CNTNAP2: variants seen among roughly 807,000 people sequenced by gnomAD.
The protein encoded by CNTNAP2 is contactin-associated protein-like 2.
CNTNAP2 carries 98 observed loss-of-function variants against 155.2 expected under a neutral mutation model. That is an observed-to-expected ratio of 0.63 (90% CI 0.54 to 0.75). CNTNAP2 has a LOEUF of 0.75. Among genes scored for constraint, CNTNAP2 ranks in the 30% least tolerant of loss-of-function variants. CNTNAP2 has a pLI of 0.00. For missense variants in CNTNAP2, 1,727 were observed against 1,688.1 expected (o/e 1.02, Z -0.40); for synonymous variants, 651 against 631.2 (o/e 1.03, Z -0.47).
chr7:148,235,778 C>T (rs989714421), intron 20 of CNTNAP2, among the ~76,000 whole-genome samples: 3 of 151,034 alleles, frequency 2.0e-5, no homozygotes, highest in Non-Finnish European at 4.4e-5. Flanking sequence ...TTCCACCTCC[C>T]GGGTTCAAGT....
chr7:147,149,344 C>T (rs1393061921), intron 8 of CNTNAP2, among the ~76,000 whole-genome samples: 1 of 152,150 alleles, frequency 6.6e-6, no homozygotes, highest in Non-Finnish European at 1.5e-5. Context: ...TCTAGCTAGA[C>T]ACAGAATGCT....
chr7:148,124,753 G>A (rs1177827479), intron 16 of CNTNAP2, among the ~76,000 whole-genome samples: 1 of 152,188 alleles, frequency 6.6e-6, no homozygotes, highest in Non-Finnish European at 1.5e-5. Flanking sequence ...AGTTGACACT[G>A]CCGAATCCAG....
chr7:146,893,594 T>C (rs1795821710), intron 3 of CNTNAP2, among the ~76,000 whole-genome samples: 1 of 152,228 alleles, frequency 6.6e-6, no homozygotes, highest in South Asian at 2.1e-4. Flanking sequence ...GTGGGTAGAA[T>C]AGATGACTGA....
chr7:147,376,223 G>C (rs77469130), intron 9 of CNTNAP2, among the ~76,000 whole-genome samples: 1 of 152,006 alleles, frequency 6.6e-6, no homozygotes, highest in African/African-American at 2.4e-5. Flanking sequence ...TCGGTAGTGA[G>C]AGCACAGAGG....
intron 8 of CNTNAP2, among the ~76,000 whole-genome samples, chr7:147,293,433 C>A (rs374924340): frequency 7.0e-4 from 106 of 151,996 alleles, no homozygotes; most frequent in African/African-American, 2.5e-3. Flanking sequence ...AATTTATATA[C>A]CTTTTTAAAG....
intron 1 of CNTNAP2, among the ~76,000 whole-genome samples, chr7:146,703,329 T>C (rs902032475): frequency 2.6e-5 from 4 of 152,166 alleles, no homozygotes; most frequent in African/African-American, 9.6e-5. Context: ...GATATGACTT[T>C]TCTATTTGGT....
rs191248148 is a variant in CNTNAP2 at position 146,998,356 on chromosome 7, T to C, written c.403-45551T>C. On this transcript the variant is annotated intron_variant, in intron 3 of 23. Transcript: ENST00000361727. ...GAATTTTCCAACGTTCCCCCTGTTA[T>C]TGATTTCTAGTTTTATGTCACTGTG... Among the ~76,000 whole-genome samples, 493 of 152,188 alleles carry C rather than the reference T, an allele frequency of 3.2e-3. 1 individual carries two copies. Among genetic ancestry groups the C allele is most frequent in the African/African-American group, 0.011 (466 of 41,570 alleles).
At chr7:147,442,823 G>A (rs1352550208) in intron 10 of CNTNAP2, among the ~76,000 whole-genome samples, 2 of 152,084 alleles carry the variant, frequency 1.3e-5, no homozygotes, top group East Asian at 3.9e-4. Context: ...CCTGGAAAGG[G>A]GGCCTCATGA....
At chr7:146,136,624 C>T (rs528841112) in intron 1 of CNTNAP2, among the ~76,000 whole-genome samples, 10 of 151,982 alleles carry the variant, frequency 6.6e-5, no homozygotes, top group African/African-American at 2.2e-4. Flanking sequence ...AGAAGCTCAG[C>T]GTTGGTGTGA....
At chr7:148,191,310 T>C (rs1217232930) in intron 18 of CNTNAP2, among the ~76,000 whole-genome samples, 2 of 152,170 alleles carry the variant, frequency 1.3e-5, no homozygotes, top group East Asian at 1.9e-4. Context: ...CCTCTCTCTG[T>C]GTCCTCTTCT....
chr7:146,183,480 T>C (rs1798578001), intron 1 of CNTNAP2, among the ~76,000 whole-genome samples: 1 of 151,956 alleles, frequency 6.6e-6, no homozygotes, highest in East Asian at 1.9e-4. Context: ...TATGGTATGA[T>C]GAAAACTGGT....
chr7:147,465,739 C>G (rs1482126685), intron 10 of CNTNAP2, among the ~76,000 whole-genome samples: 2 of 152,084 alleles, frequency 1.3e-5, no homozygotes, highest in African/African-American at 4.8e-5. Flanking sequence ...TTGGACAGTT[C>G]TAGGCATCCA....
chr7:146,207,346 A>G (rs962351864), intron 1 of CNTNAP2, among the ~76,000 whole-genome samples: 1 of 151,982 alleles, frequency 6.6e-6, no homozygotes, highest in African/African-American at 2.4e-5. Context: ...ACTCTCTTGG[A>G]GACTTGGTTT....
chr7:147,519,648 A>G (rs979533061), intron 11 of CNTNAP2, among the ~76,000 whole-genome samples: 5 of 152,206 alleles, frequency 3.3e-5, no homozygotes, highest in African/African-American at 1.2e-4. Context: ...GGATTGCTTG[A>G]GGTCAGGAGT....
chr7:147,702,924 C>T (rs958119921), intron 13 of CNTNAP2, among the ~76,000 whole-genome samples: 1 of 152,160 alleles, frequency 6.6e-6, no homozygotes, highest in Non-Finnish European at 1.5e-5. Context: ...ATGAAACTAA[C>T]ACCCCCTGCC....
intron 12 of CNTNAP2, among the ~76,000 whole-genome samples, chr7:147,564,728 C>T (rs1235918634): frequency 6.6e-6 from 1 of 152,210 alleles, no homozygotes; most frequent in East Asian, 1.9e-4. Context: ...TGCTCAGAAA[C>T]ATATGTCTTA....
intron 10 of CNTNAP2, among the ~76,000 whole-genome samples, chr7:147,476,516 G>A (rs557811251): frequency 2.6e-5 from 4 of 152,076 alleles, no homozygotes; most frequent in Admixed American, 1.3e-4. Context: ...TGTCTTTCTC[G>A]CTTCCTCTCT....
Position 146,451,859 on chromosome 7 carries a change from A to ACATACGTG in CNTNAP2, c.98-322412_98-322411insCATACGTG, listed in dbSNP as rs1334685667. 3.0e-3 allele frequency among the ~76,000 whole-genome samples: 179 copies of ACATACGTG among 60,634 alleles called. 1 individual carries two copies. The highest frequency in any genetic ancestry group is 3.8e-3 in the Non-Finnish European group (136 of 35,430). 39.8% of individuals were successfully genotyped at this position (60,634 alleles called of 152,430 possible). A position where few individuals can be genotyped will look rare whatever the true frequency, so the allele number is the denominator to read the frequency against. On this transcript the variant is annotated intron_variant, in intron 1 of 23. Transcript: ENST00000361727. ...ACATATATATATACACGTATTCTATATATATATATACGTATATATACACAT... is the reference window on the plus strand; with the variant it reads ...ACATATATATATACACGTATTCTATACATACGTGTATATATATACGTATATATACACAT...
chr7:147,305,911 T>C (rs1329264757), intron 9 of CNTNAP2, among the ~76,000 whole-genome samples: 2 of 152,120 alleles, frequency 1.3e-5, no homozygotes, highest in African/African-American at 2.4e-5. Context: ...GTAATCCTCG[T>C]TATTCTCTGG....
Sources: gnomAD v4.1 joint callset for allele counts (sites outside exome capture counted in the v4.1 genomes callset) on GRCh38, gnomAD v4.1.1 for gene constraint, MANE v1.5 for transcripts, NCBI Gene and HGNC (gene_info 2026-07-23, HGNC 2026-07-21) for gene names.